Variants in CAMK1D observed in about 807,000 individuals in gnomAD.
CAMK1D encodes the protein calcium/calmodulin-dependent protein kinase type 1D.
In CAMK1D, 9 loss-of-function variants were observed where a neutral mutation model predicts 47.7. The ratio of observed to expected loss-of-function variants is 0.19; its 90% CI spans 0.11 to 0.33. CAMK1D has a LOEUF of 0.33. Ranked by LOEUF, CAMK1D falls within the 10% of genes least tolerant of loss-of-function variation. The pLI, the probability that CAMK1D is intolerant of heterozygous loss-of-function variation, is 1.00. For missense variants in CAMK1D, 291 were observed against 488.7 expected (o/e 0.60, Z 3.81); for synonymous variants, 184 against 184.9 (o/e 0.99, Z 0.04).
intron 3 of CAMK1D, among the ~76,000 whole-genome samples, chr10:12,714,399 A>G (rs541633140): frequency 6.6e-6 from 1 of 151,754 alleles, no homozygotes; most frequent in Non-Finnish European, 1.5e-5. Context: ...TAATTTTAAA[A>G]TAAAAAGTAT....
chr10:12,711,892 T>G (rs1833951783), intron 3 of CAMK1D, among the ~76,000 whole-genome samples: 3 of 152,254 alleles, frequency 2.0e-5, no homozygotes, highest in Non-Finnish European at 4.4e-5. Context: ...AATTCTGTCC[T>G]TATATTTCTA....
At chr10:12,388,777 G>A (rs1437796302) in intron 1 of CAMK1D, among the ~76,000 whole-genome samples, 1 of 152,158 alleles carries the variant, frequency 6.6e-6, no homozygotes, top group Non-Finnish European at 1.5e-5. Flanking sequence ...GTGTGGCAAT[G>A]CGAGGTTTGT....
intron 5 of CAMK1D, among the ~76,000 whole-genome samples, chr10:12,772,444 C>T (rs1588908777): frequency 6.6e-6 from 1 of 152,182 alleles, no homozygotes; most frequent in Non-Finnish European, 1.5e-5. Context: ...GATTTAAATG[C>T]TCTGACAACC....
chr10:12,549,916 C>G lies in CAMK1D; in HGVS notation c.93-3309C>G, dbSNP rs531207621. Among the ~76,000 whole-genome samples, 243 of 152,318 alleles carry G rather than the reference C, an allele frequency of 1.6e-3. 1 individual carries two copies. The highest frequency in any genetic ancestry group is 0.014 in the Middle Eastern group (4 of 294). On this transcript the variant is annotated intron_variant, in intron 1 of 10. Transcript: ENST00000619168. ...CTCGGGCTGAGTCCTGCGGCAACCT[C>G]GCTTCTCACTGTTTCCTCCAAGCGA... is the stretch of plus-strand genomic sequence containing the variant.
intron 3 of CAMK1D, among the ~76,000 whole-genome samples, chr10:12,685,522 T>C (rs1042172531): frequency 2.0e-5 from 3 of 152,310 alleles, no homozygotes; most frequent in Non-Finnish European, 4.4e-5. Flanking sequence ...GTCAAAGATA[T>C]GCCTTCCTAA....
intron 1 of CAMK1D, among the ~76,000 whole-genome samples, chr10:12,389,881 G>T (rs1339778613): frequency 2.0e-5 from 3 of 151,848 alleles, no homozygotes; most frequent in Non-Finnish European, 4.4e-5. Flanking sequence ...GTCAGTGGAA[G>T]GGATGAATTC....
intron 3 of CAMK1D, among the ~76,000 whole-genome samples, chr10:12,714,168 T>C (rs1834032615): frequency 6.6e-6 from 1 of 152,128 alleles, no homozygotes; most frequent in Non-Finnish European, 1.5e-5. Flanking sequence ...GGTGGGCTTC[T>C]CTAAGTCTCT....
intron 2 of CAMK1D, among the ~76,000 whole-genome samples, chr10:12,613,112 T>C (rs4433479): frequency 0.99 from 151,468 of 152,316 alleles, 75,315 homozygotes; most frequent in Middle Eastern, 1. Flanking sequence ...TTAACTCCAG[T>C]CTTGTCCAAG....
chr10:12,710,861 A>G (rs1235417660), intron 3 of CAMK1D, among the ~76,000 whole-genome samples: 3 of 152,230 alleles, frequency 2.0e-5, no homozygotes, highest in Non-Finnish European at 4.4e-5. Context: ...ACACCAGGGT[A>G]TATAAAAAGT....
chr10:12,625,466 C>T (rs1038903690), intron 2 of CAMK1D, among the ~76,000 whole-genome samples: 5 of 150,238 alleles, frequency 3.3e-5, no homozygotes, highest in Non-Finnish European at 4.4e-5. Flanking sequence ...TCCTGAGTAG[C>T]TAGGACTACA....
At chr10:12,548,141 C>A (rs1285760813) in intron 1 of CAMK1D, among the ~76,000 whole-genome samples, 1 of 152,174 alleles carries the variant, frequency 6.6e-6, no homozygotes, top group Non-Finnish European at 1.5e-5. Context: ...TGATGGGACT[C>A]AGTATCCTCA....
chr10:12,742,295 C>A (rs1835468103), intron 3 of CAMK1D, among the ~76,000 whole-genome samples: 1 of 152,164 alleles, frequency 6.6e-6, no homozygotes, highest in Non-Finnish European at 1.5e-5. Context: ...CCACCACGCC[C>A]AGCTAACTTT....
intron 2 of CAMK1D, among the ~76,000 whole-genome samples, chr10:12,651,537 A>G (rs959942118): frequency 1.3e-5 from 2 of 151,700 alleles, no homozygotes; most frequent in Non-Finnish European, 2.9e-5. Context: ...GACCACAGGC[A>G]CGTGCCACCA....
chr10:12,511,585 T>C (rs1835041419), intron 1 of CAMK1D, among the ~76,000 whole-genome samples: 1 of 152,214 alleles, frequency 6.6e-6, no homozygotes, highest in Admixed American at 6.5e-5. Context: ...CACTCTAGCC[T>C]GGGCAGCAGA....
At chr10:12,349,987 G>A (rs1224890978) in intron 1 of CAMK1D, 77 bp downstream of exon 1, 2 of 701,418 alleles carry the variant, frequency 2.9e-6, no homozygotes, top group Non-Finnish European at 4.3e-6. Flanking sequence ...TGCCGCCGCC[G>A]CCACTACCGC....
At chr10:12,379,708 G>A (rs1429873121) in intron 1 of CAMK1D, among the ~76,000 whole-genome samples, 3 of 152,118 alleles carry the variant, frequency 2.0e-5, no homozygotes, top group African/African-American at 4.8e-5. Flanking sequence ...AGCCGAGATC[G>A]TGCCACTGCA....
chr10:12,710,918 G>C (rs112313826), intron 3 of CAMK1D, among the ~76,000 whole-genome samples: 46 of 152,314 alleles, frequency 3.0e-4, no homozygotes, highest in African/African-American at 1.1e-3. Flanking sequence ...CACTATTGGA[G>C]TTTTCATCAA....
intron 3 of CAMK1D, among the ~76,000 whole-genome samples, chr10:12,751,805 T>A (rs935718161): frequency 6.6e-6 from 1 of 152,162 alleles, no homozygotes; most frequent in African/African-American, 2.4e-5. Context: ...GGAAGCCATG[T>A]GGTGGGCGGC....
chr10:12,573,838 T>TTTC (rs2132321569), intron 2 of CAMK1D, among the ~76,000 whole-genome samples: 1 of 107,042 alleles, frequency 9.3e-6, no homozygotes, highest in East Asian at 2.4e-4. Flanking sequence ...AAACTTTTTT[T>TTTC]TTTTTTTTTT....
Sources: gnomAD v4.1 joint callset for allele counts (sites outside exome capture counted in the v4.1 genomes callset) on GRCh38, gnomAD v4.1.1 for gene constraint, MANE v1.5 for transcripts, NCBI Gene and HGNC (gene_info 2026-07-23, HGNC 2026-07-21) for gene names.